FHDC1: variants seen among roughly 807,000 people sequenced by gnomAD.
The protein encoded by FHDC1 is FH2 domain-containing protein 1.
A neutral mutation model predicts 52.6 loss-of-function variants in FHDC1; 25 were observed. The observed-to-expected ratio is 0.48, with a 90% confidence interval of 0.35 to 0.66. FHDC1 has a LOEUF of 0.66. FHDC1 is among the 30% of genes least tolerant of loss of function. FHDC1 has a pLI of 0.01. For missense variants in FHDC1, 1,459 were observed against 1,452.8 expected (o/e 1.00, Z -0.07); for synonymous variants, 616 against 581.5 (o/e 1.06, Z -0.85).
At chr4:152,926,752 G>T in the FHDC1 span, among the ~76,000 whole-genome samples, 1 of 149,550 alleles carries the variant, frequency 6.7e-6, no homozygotes, top group East Asian at 1.9e-4. Context: ...CCACAATTTG[G>T]ACTTTCCTTT....
chr4:152,919,289 G>A, the FHDC1 span, among the ~76,000 whole-genome samples: 1 of 152,244 alleles, frequency 6.6e-6, no homozygotes, highest in African/African-American at 2.4e-5. Context: ...TTAATGGGGA[G>A]AAAGTCCATA....
intron 8 of FHDC1, among the ~76,000 whole-genome samples, chr4:152,964,209 T>G (rs1003671167): frequency 2.0e-5 from 3 of 152,162 alleles, no homozygotes; most frequent in Admixed American, 2.0e-4. Flanking sequence ...TATGGTGAGC[T>G]CTCCATAAAT....
intron 1 of FHDC1, among the ~76,000 whole-genome samples, chr4:152,937,906 C>T (rs1476147159): frequency 6.6e-6 from 1 of 152,028 alleles, no homozygotes; most frequent in African/African-American, 2.4e-5. Context: ...CGGGCGGGGA[C>T]CGGGGTGCCG....
At position 152,954,222 on chromosome 4, in the gene FHDC1, C is replaced by T. The variant is rs758855746; in HGVS notation, c.566C>T (p.Pro189Leu). The T allele has an allele frequency of 1.2e-6, 2 of 1,613,524 alleles. No individual in the cohort carries two copies. Among genetic ancestry groups the T allele is most frequent in the Admixed American group, 3.3e-5 (2 of 60,006 alleles). The change falls in exon 4 of 12, where the codon CCT becomes CTT. Residue 189 changes from proline (P) to leucine (L), a missense_variant. Physicochemically the swap from Pro to Leu is moderately conservative, Grantham distance 98. Coordinates refer to ENST00000511601, the MANE Select transcript of FHDC1 (RefSeq NM_001371116.1). The stretch of plus-strand genomic sequence containing the variant: ...TGATTCATTGTCTTTTCAAGGTCTC[C>T]TCGGTCCATTGTAGAAGATATTCAT... Reference protein sequence around the residue: ...GIFLKQFKKSPRSIVEDIHQG... With the variant: ...GIFLKQFKKSLRSIVEDIHQG...
In FHDC1 at chr4:152,975,487, G is replaced by C. The variant is rs1301078657; in HGVS notation, c.2196G>C (p.Leu732=). The C allele has an allele frequency of 3.7e-6, 6 of 1,613,402 alleles. No homozygotes were observed. The highest frequency in any genetic ancestry group is 1.7e-4 in the Middle Eastern group (1 of 6,060). ...SSLTPMGRDA[L]GSLSPALEDG... is the part of the protein sequence containing the mutation. ...TGACACCCATGGGCAGAGATGCCCT[G>C]GGGAGTCTCAGCCCAGCGCTGGAGG... Residue 732 remains leucine, a synonymous_variant, in exon 12 of 12, where the codon CTG becomes CTC. Coordinates refer to ENST00000511601, the MANE Select transcript of FHDC1 (RefSeq NM_001371116.1).
At chr4:152,927,659 C>G in the FHDC1 span, 1 of 1,592,894 alleles carries the variant, frequency 6.3e-7, no homozygotes, top group Non-Finnish European at 8.6e-7. Flanking sequence ...GTATGAGGAA[C>G]AGTTCAAATT....
At chr4:152,952,752 T>C (rs910990546) in intron 2 of FHDC1, among the ~76,000 whole-genome samples, 4 of 152,200 alleles carry the variant, frequency 2.6e-5, no homozygotes, top group Admixed American at 2.6e-4. Flanking sequence ...CCTGTGATAC[T>C]AAAGGATGAC....
chr4:152,923,569 G>A, the FHDC1 span, among the ~76,000 whole-genome samples: 1 of 152,132 alleles, frequency 6.6e-6, no homozygotes, highest in South Asian at 2.1e-4. Context: ...TAAGCCAAAA[G>A]AACAAAGCTG....
chr4:152,923,454 G>A, the FHDC1 span, among the ~76,000 whole-genome samples: 10 of 151,976 alleles, frequency 6.6e-5, no homozygotes, highest in East Asian at 3.9e-4. Context: ...TATAGATTCA[G>A]TGCCATCCCC....
At chr4:152,960,499 T>A in intron 4 of FHDC1, 66 bp from the exon 5 acceptor site, 1 of 1,316,398 alleles carries the variant, frequency 7.6e-7, no homozygotes, top group South Asian at 1.3e-5. Context: ...GAAGATGAAA[T>A]TTAAATAATC....
At chr4:152,957,483 G>A (rs1740132836) in intron 4 of FHDC1, among the ~76,000 whole-genome samples, 1 of 152,188 alleles carries the variant, frequency 6.6e-6, no homozygotes, top group Non-Finnish European at 1.5e-5. Context: ...GCAGCGGGGT[G>A]GACTTGAGCC....
rs575619105 is a variant in FHDC1 at position 152,979,096 on chromosome 4, C to T, written c.*2373C>T. ...TCTAAGTTTGTGGATTTGTGGATAG[C>T]AGAGGGATCGGGACCTCTTGGAGGA... On this transcript the variant is annotated 3_prime_UTR_variant, in exon 12 of 12. Coordinates refer to ENST00000511601, the MANE Select transcript of FHDC1 (RefSeq NM_001371116.1). 6.6e-6 allele frequency: 1 copy of T among 152,214 alleles called. No individual in the cohort carries two copies. Among genetic ancestry groups the T allele is most frequent in the Admixed American group, 6.5e-5 (1 of 15,286 alleles). The allele number at this position is 152,214 out of a possible 1,614,324, so 9.4% of individuals were successfully genotyped here. A position where few individuals can be genotyped will look rare whatever the true frequency, so the allele number is the denominator to read the frequency against.
chr4:152,975,577 T>G lies in FHDC1; in HGVS notation c.2286T>G (p.Pro762=). ...TGGGATCTGTGGGTAGCAGCGACCC[T>G]GAGAACAAAGATCCTAGACCTCTGT... ...AALGSVGSSD[P]ENKDPRPLFC... is the part of the protein sequence containing the mutation. The change falls in exon 12 of 12, where the codon CCT becomes CCG. Residue 762 remains proline, a synonymous_variant. Coordinates refer to ENST00000511601, the MANE Select transcript of FHDC1 (RefSeq NM_001371116.1). The G allele has an allele frequency of 6.2e-7, 1 of 1,613,574 alleles. No individual in the cohort carries two copies. The highest frequency in any genetic ancestry group is 8.5e-7 in the Non-Finnish European group (1 of 1,180,012).
chr4:152,932,361 C>T (rs1739267950), upstream of FHDC1, among the ~76,000 whole-genome samples: 1 of 151,126 alleles, frequency 6.6e-6, no homozygotes, highest in Admixed American at 6.6e-5. Context: ...ATGTTTGTGT[C>T]ACTGTACTCT....
chr4:152,930,138 A>G, the FHDC1 span, among the ~76,000 whole-genome samples: 5 of 152,160 alleles, frequency 3.3e-5, no homozygotes, highest in African/African-American at 1.2e-4. Flanking sequence ...AAACCCCAAA[A>G]TGCAGAAACG....
the FHDC1 span, among the ~76,000 whole-genome samples, chr4:152,914,531 T>C: frequency 1.3e-5 from 2 of 152,156 alleles, no homozygotes; most frequent in African/African-American, 4.8e-5. Context: ...GAACTGAGAA[T>C]TCTGGGTTTT....
In FHDC1 at chr4:152,975,085, T is replaced by C. The variant is rs772689517; in HGVS notation, c.1794T>C (p.Phe598=). ...AAGTGAGGCACCAGGACTCCAGCTTTGCACACAAACCTCAGGCCTCGGGGG... is the reference window on the plus strand; with the variant it reads ...AAGTGAGGCACCAGGACTCCAGCTTCGCACACAAACCTCAGGCCTCGGGGG... The part of the protein sequence containing the change: ...PAEVRHQDSS[F]AHKPQASGGQ... The change falls in exon 12 of 12, where the codon TTT becomes TTC. Residue 598 remains phenylalanine, a synonymous_variant. Coordinates refer to ENST00000511601, the MANE Select transcript of FHDC1 (RefSeq NM_001371116.1). 2 of 1,612,682 alleles carry C rather than the reference T, an allele frequency of 1.2e-6. No individual in the cohort carries two copies. Among genetic ancestry groups the C allele is most frequent in the African/African-American group, 2.7e-5 (2 of 75,038 alleles).
chr4:152,943,644 A>G, intron 2 of FHDC1, 89 bp downstream of exon 2: 1 of 1,425,210 alleles, frequency 7.0e-7, no homozygotes, highest in Admixed American at 2.3e-5. Context: ...ATTGCTAGAC[A>G]CCCCTAAGAA....
intron 1 of FHDC1, among the ~76,000 whole-genome samples, chr4:152,937,480 G>C (rs1739423198): frequency 1.3e-5 from 2 of 151,998 alleles, no homozygotes; most frequent in South Asian, 4.1e-4. Flanking sequence ...CCCTCGGGGA[G>C]GGGGGCGGGG....
Sources: gnomAD v4.1 joint callset for allele counts (sites outside exome capture counted in the v4.1 genomes callset) on GRCh38, gnomAD v4.1.1 for gene constraint, MANE v1.5 for transcripts, NCBI Gene and HGNC (gene_info 2026-07-23, HGNC 2026-07-21) for gene names.